Variants in APOO observed in about 807,000 individuals in gnomAD.
APOO encodes apolipoprotein O, also known as MICOS complex subunit MIC26.
APOO carries 11 observed loss-of-function variants against 23.1 expected under a neutral mutation model. The ratio of observed to expected loss-of-function variants is 0.48; its 90% CI spans 0.30 to 0.79. The LOEUF (loss-of-function observed/expected upper bound fraction) is 0.79. Among genes scored for constraint, APOO ranks in the 30% least tolerant of loss-of-function variants. The pLI is 0.07. For synonymous variants in APOO, 59 were observed against 54.8 expected, an observed-to-expected ratio of 1.08 and a Z score of -0.34; for missense variants, 160 against 142.7, an observed-to-expected ratio of 1.12 and a Z score of -0.62.
intron 1 of APOO, among the ~76,000 whole-genome samples, chrX:23,904,140 G>A (rs1435919927): frequency 9.0e-6 from 1 of 111,522 alleles, no homozygotes; most frequent in Non-Finnish European, 1.9e-5. Flanking sequence ...TTATATCTCC[G>A]TCATGGACAT....
chrX:23,875,853 A>G (rs1355817086), intron 3 of APOO, among the ~76,000 whole-genome samples: 1 of 111,493 alleles, frequency 9.0e-6, no homozygotes, highest in Non-Finnish European at 1.9e-5. Context: ...ATTAAAATCC[A>G]TTATTTCACG....
chrX:23,901,690 T>C (rs1195908003), intron 1 of APOO, among the ~76,000 whole-genome samples: 3 of 112,290 alleles, frequency 2.7e-5, no homozygotes, highest in Non-Finnish European at 5.6e-5. Flanking sequence ...TCTTACAAGA[T>C]GCCAACTAAA....
chrX:23,875,232 T>C (rs1362722753), intron 3 of APOO, among the ~76,000 whole-genome samples: 4 of 100,881 alleles, frequency 4.0e-5, no homozygotes, highest in Non-Finnish European at 8.0e-5. Context: ...CCTGGGCGTG[T>C]CTCAAAAAAA....
Position 23,907,739 on chromosome X carries a change from G to C in APOO, c.-37C>G. ...CGGAGGCTCCGGCAGGGTCACCCCG[G>C]CCTCGGCCACGCCCACTATAGAGAG... On this transcript the variant is annotated 5_prime_UTR_variant, in exon 1 of 9. Transcript: ENST00000379226. The C allele has an allele frequency of 4.3e-6, 5 of 1,158,687 alleles. No individual in the cohort carries two copies. The highest frequency in any genetic ancestry group is 5.8e-6 in the Non-Finnish European group (5 of 869,564).
At chrX:23,840,526 G>C (rs150876668) in intron 7 of APOO, 149 bp from the exon 8 acceptor site, 285 of 407,538 alleles carry the variant, frequency 7.0e-4, no homozygotes, top group African/African-American at 5.7e-3. Context: ...GGGGGTTGTT[G>C]AAGAAAGGCT....
intron 7 of APOO, chrX:23,840,748 TCAA>T (rs1923929884): frequency 8.1e-6 from 1 of 123,443 alleles, no homozygotes; most frequent in African/African-American, 3.2e-5. Flanking sequence ...AATTAAAAAA[TCAA>T]TATATCTTCC....
intron 1 of APOO, among the ~76,000 whole-genome samples, chrX:23,897,343 A>G: frequency 8.9e-6 from 1 of 112,515 alleles, no homozygotes; most frequent in East Asian, 2.8e-4. Flanking sequence ...TTAGGGCCAA[A>G]GAGTGAGATA....
In APOO at chrX:23,907,901, C is replaced by T. The variant is rs373773498; in HGVS notation, c.-199G>A. ...GGTTCTAGAAGCCGCGTCGCTGAGC[C>T]GCAGCGCGTCGCGCCCGGGCAGCGG... is the stretch of plus-strand genomic sequence containing the variant. On this transcript the variant is annotated 5_prime_UTR_variant, in exon 1 of 9. Coordinates refer to ENST00000379226, the MANE Select transcript of APOO (RefSeq NM_024122.5). 4.8e-6 allele frequency: 2 copies of T among 413,178 alleles called. No individual in the cohort carries two copies. 34.1% of individuals were successfully genotyped at this position (413,178 alleles called of 1,213,427 possible).
intron 7 of APOO, among the ~76,000 whole-genome samples, chrX:23,846,142 T>C (rs1224358720): frequency 9.5e-6 from 1 of 104,820 alleles, no homozygotes; most frequent in African/African-American, 3.5e-5. Flanking sequence ...CCGTCTCTAC[T>C]AAAAATACAA....
At chrX:23,896,437 G>A (rs1353080881) in intron 1 of APOO, among the ~76,000 whole-genome samples, 2 of 111,713 alleles carry the variant, frequency 1.8e-5, no homozygotes, top group Admixed American at 1.9e-4. Context: ...TTGCCACAAA[G>A]TTTGAAGATA....
intron 5 of APOO, among the ~76,000 whole-genome samples, chrX:23,866,578 A>G (rs1456044312): frequency 9.0e-6 from 1 of 110,879 alleles, no homozygotes; most frequent in East Asian, 2.8e-4. Flanking sequence ...CAAGAGTTCA[A>G]GAGTTCAGGA....
chrX:23,904,637 G>T (rs1927276699), intron 1 of APOO, among the ~76,000 whole-genome samples: 2 of 108,157 alleles, frequency 1.8e-5, no homozygotes, highest in Admixed American at 2.0e-4. Flanking sequence ...CTCCCGAGTA[G>T]CTGAGACTAC....
chrX:23,858,609 G>T (rs770499892), intron 6 of APOO, 33 bp downstream of exon 6: 1 of 1,149,396 alleles, frequency 8.7e-7, no homozygotes, highest in South Asian at 1.9e-5. Context: ...AAACAAGAAT[G>T]AGGGACATCA....
chrX:23,834,972 C>T (rs1329374026), intron 8 of APOO, among the ~76,000 whole-genome samples: 2 of 109,463 alleles, frequency 1.8e-5, no homozygotes, highest in African/African-American at 6.6e-5. Flanking sequence ...ATCTGCTTGC[C>T]TCAGCTTCCC....
chrX:23,890,992 G>A (rs1926626818), intron 1 of APOO, among the ~76,000 whole-genome samples: 1 of 111,128 alleles, frequency 9.0e-6, no homozygotes, highest in African/African-American at 3.3e-5. Flanking sequence ...AAACCCCACT[G>A]GACATCTGGC....
chrX:23,872,521 T>TTA (rs773219545), intron 4 of APOO, among the ~76,000 whole-genome samples: 11,464 of 93,085 alleles, frequency 0.12, 914 homozygotes, highest in African/African-American at 0.26. Flanking sequence ...TTATGAGAAT[T>TTA]TATATATATA....
At chrX:23,845,429 C>A (rs1158285744) in intron 7 of APOO, among the ~76,000 whole-genome samples, 1 of 111,878 alleles carries the variant, frequency 8.9e-6, no homozygotes, top group African/African-American at 3.2e-5. Context: ...TATCTATAGG[C>A]ACAGTGTTGT....
intron 1 of APOO, among the ~76,000 whole-genome samples, chrX:23,885,800 T>C (rs143980418): frequency 3.0e-3 from 338 of 111,155 alleles, no homozygotes; most frequent in African/African-American, 0.011. Context: ...ACAAGGGTGG[T>C]AGCACCAAAG....
chrX:23,865,826 T>A (rs1178676089), intron 5 of APOO, among the ~76,000 whole-genome samples: 1 of 111,341 alleles, frequency 9.0e-6, no homozygotes. Context: ...CTATTGCACA[T>A]GTGTGTGTGC....
Sources: gnomAD v4.1 joint callset for allele counts (sites outside exome capture counted in the v4.1 genomes callset) on GRCh38, gnomAD v4.1.1 for gene constraint, MANE v1.5 for transcripts, NCBI Gene and HGNC (gene_info 2026-07-23, HGNC 2026-07-21) for gene names.